Variants in UPB1 observed in about 807,000 individuals in gnomAD.
UPB1 encodes the protein beta-ureidopropionase.
A neutral mutation model predicts 49.1 loss-of-function variants in UPB1; 40 were observed. The observed-to-expected ratio is 0.81, with a 90% CI of 0.63 to 1.06. The LOEUF (loss-of-function observed/expected upper bound fraction) is 1.06. Among genes scored for constraint, UPB1 ranks in the 50% least tolerant of loss-of-function variants. The pLI is 0.00. For missense variants in UPB1, 499 were observed against 505.9 expected (o/e 0.99, Z 0.13); for synonymous variants, 207 against 198.2 (o/e 1.04, Z -0.38).
chr22:24,522,330 G>T (rs1230895065), intron 8 of UPB1, among the ~76,000 whole-genome samples: 1 of 152,218 alleles, frequency 6.6e-6, no homozygotes, highest in Non-Finnish European at 1.5e-5. Flanking sequence ...AAAGGGAGAG[G>T]TGCTCTCATC....
At chr22:24,513,563 G>A in intron 5 of UPB1, 78 bp downstream of exon 5, 1 of 1,547,410 alleles carries the variant, frequency 6.5e-7, no homozygotes. Flanking sequence ...GGGACTTTCT[G>A]TGGGGAAGTT....
rs556179921 is a variant in UPB1, at chr22:24,524,219, C to T, written c.1071+446C>T. On this transcript the variant is annotated intron_variant, in intron 9 of 9. Coordinates refer to ENST00000326010, the MANE Select transcript of UPB1 (RefSeq NM_016327.3). The stretch of plus-strand genomic sequence containing the variant: ...GCAGAGAAATGGAATCTAGGCCTGG[C>T]TCTGCCACAGCCTTCCTTCCTTGGT... 1.1e-4 allele frequency among the ~76,000 whole-genome samples: 16 copies of T among 152,298 alleles called. No homozygotes were observed. In the East Asian group the frequency reaches 2.9e-3, roughly 28 times the overall value.
At chr22:24,513,514 C>T in intron 5 of UPB1, 29 bp downstream of exon 5, 1 of 1,608,974 alleles carries the variant, frequency 6.2e-7, no homozygotes, top group Non-Finnish European at 8.5e-7. Flanking sequence ...AGATAACCAG[C>T]CCTGCTCACT....
In UPB1 at chr22:24,525,869, A is replaced by T; in HGVS notation, c.*75A>T. On this transcript the variant is annotated 3_prime_UTR_variant, in exon 10 of 10. Transcript: ENST00000326010. ...GATTAGCAAGTGTGGCAGGCTTAAC[A>T]TGTCCAGGTTCTCCCCAATAACATT... 6.4e-7 allele frequency: 1 copy of T among 1,566,360 alleles called. No homozygotes were observed. Among genetic ancestry groups the T allele is most frequent in the African/African-American group, 1.4e-5 (1 of 74,002 alleles).
rs201433710 is a variant in UPB1 at position 24,500,076 on chromosome 22, T to C, written c.105-31T>C. The C allele has an allele frequency of 1.9e-6, 3 of 1,613,736 alleles. No homozygotes were observed. In the Admixed American group the frequency reaches 5.0e-5, roughly 27 times the overall value. On this transcript the variant is annotated intron_variant, in intron 1 of 9. Coordinates refer to ENST00000326010, the MANE Select transcript of UPB1 (RefSeq NM_016327.3). Reference sequence around the variant, plus strand: ...TTAAGTGGAGCAGACTGCATCAAAATCCCCTTCCCTCTTTTTTCCTGCCCA... The same window carrying C: ...TTAAGTGGAGCAGACTGCATCAAAACCCCCTTCCCTCTTTTTTCCTGCCCA...
At chr22:24,501,868 A>G (rs2043999096) in intron 2 of UPB1, among the ~76,000 whole-genome samples, 1 of 152,124 alleles carries the variant, frequency 6.6e-6, no homozygotes, top group Admixed American at 6.5e-5. Context: ...CAGCAACCCC[A>G]CAGGTCAGGT....
In UPB1 at chr22:24,525,870, T is replaced by C; in HGVS notation, c.*76T>C. ...ATTAGCAAGTGTGGCAGGCTTAACA[T>C]GTCCAGGTTCTCCCCAATAACATTG... is the stretch of plus-strand genomic sequence containing the variant. On this transcript the variant is annotated 3_prime_UTR_variant, in exon 10 of 10. Transcript: ENST00000326010. The C allele has an allele frequency of 6.4e-7, 1 of 1,566,106 alleles. No homozygotes were observed. The highest frequency in any genetic ancestry group is 8.8e-7 in the Non-Finnish European group (1 of 1,137,410).
At chr22:24,508,019 C>G (rs933024232) in intron 3 of UPB1, among the ~76,000 whole-genome samples, 2 of 152,152 alleles carry the variant, frequency 1.3e-5, no homozygotes, top group Middle Eastern at 3.2e-3. Context: ...CCCCTGGCCC[C>G]CTCCGCCGTA....
At chr22:24,523,326 G>T (rs959625645) in intron 8 of UPB1, among the ~76,000 whole-genome samples, 2 of 152,234 alleles carry the variant, frequency 1.3e-5, no homozygotes, top group Non-Finnish European at 2.9e-5. Context: ...CCCCCAGAGT[G>T]TGACTTTCTG....
chr22:24,509,320 T>C (rs140324), intron 3 of UPB1, among the ~76,000 whole-genome samples: 89,252 of 143,676 alleles, frequency 0.62, 27,503 homozygotes, highest in African/African-American at 0.71. Flanking sequence ...AGATGACCAG[T>C]ATCTTTGAAC....
chr22:24,507,724 G>T (rs2044116308), intron 3 of UPB1, among the ~76,000 whole-genome samples: 1 of 152,058 alleles, frequency 6.6e-6, no homozygotes, highest in Non-Finnish European at 1.5e-5. Context: ...TAGAAACTAG[G>T]TCCACCCAAC....
At chr22:24,498,896 A>T (rs1317001367) in intron 1 of UPB1, among the ~76,000 whole-genome samples, 1 of 152,170 alleles carries the variant, frequency 6.6e-6, no homozygotes, top group East Asian at 1.9e-4. Context: ...GTGTCTGCCC[A>T]CACCCATATC....
chr22:24,524,257 G>GC (rs2044445803), intron 9 of UPB1, among the ~76,000 whole-genome samples: 1 of 152,098 alleles, frequency 6.6e-6, no homozygotes, highest in Non-Finnish European at 1.5e-5. Flanking sequence ...CCTTAATTAA[G>GC]CCCCTTGTGC....
chr22:24,525,486 C>G (rs2044467811), intron 9 of UPB1, among the ~76,000 whole-genome samples: 1 of 152,184 alleles, frequency 6.6e-6, no homozygotes, highest in African/African-American at 2.4e-5. Flanking sequence ...TCTGGATAGA[C>G]AGGTCGAAGG....
chr22:24,504,850 C>T (rs2044059630), intron 3 of UPB1, among the ~76,000 whole-genome samples: 1 of 150,472 alleles, frequency 6.6e-6, no homozygotes, highest in African/African-American at 2.4e-5. Flanking sequence ...GCCCCAGCCT[C>T]CTGAGTAGCT....
chr22:24,514,558 G>A (rs1237611771), intron 5 of UPB1, among the ~76,000 whole-genome samples: 1 of 152,164 alleles, frequency 6.6e-6, no homozygotes, highest in Non-Finnish European at 1.5e-5. Flanking sequence ...CCTCAGTGCT[G>A]TCCAGGACAG....
chr22:24,524,186 T>A (rs888659311), intron 9 of UPB1, among the ~76,000 whole-genome samples: 1 of 152,206 alleles, frequency 6.6e-6, no homozygotes, highest in Non-Finnish European at 1.5e-5. Flanking sequence ...TAGCAGGAAA[T>A]GGGTCATGCA....
At chr22:24,501,769 A>C (rs2043997495) in intron 2 of UPB1, among the ~76,000 whole-genome samples, 1 of 152,170 alleles carries the variant, frequency 6.6e-6, no homozygotes, top group South Asian at 2.1e-4. Context: ...TGGGGAGCGG[A>C]GTCCCGGGCC....
chr22:24,509,549 T>G (rs2044158987), intron 3 of UPB1, among the ~76,000 whole-genome samples: 1 of 151,962 alleles, frequency 6.6e-6, no homozygotes, highest in African/African-American at 2.4e-5. Flanking sequence ...ATGAGTAGCT[T>G]TTCTTATTTC....
Sources: gnomAD v4.1 joint callset for allele counts (sites outside exome capture counted in the v4.1 genomes callset) on GRCh38, gnomAD v4.1.1 for gene constraint, MANE v1.5 for transcripts, NCBI Gene and HGNC (gene_info 2026-07-23, HGNC 2026-07-21) for gene names.